The following AVEN variants were observed in gnomAD, a reference collection of about 807,000 sequenced individuals.
The protein encoded by AVEN is cell death regulator Aven.
Under a neutral mutation model 38.1 loss-of-function variants are expected in AVEN, and 41 were observed. The observed-to-expected ratio is 1.08, with a 90% confidence interval of 0.84 to 1.40. The LOEUF (loss-of-function observed/expected upper bound fraction) is 1.40. AVEN is among the 40% of genes most tolerant of loss of function. The pLI is 0.00. For synonymous variants in AVEN, 206 were observed against 171.8 expected (o/e 1.20, Z -1.56); for missense variants, 605 against 438.8 (o/e 1.38, Z -3.38).
At chr15:33,993,161 A>C (rs1003425077) in intron 2 of AVEN, among the ~76,000 whole-genome samples, 33 of 152,206 alleles carry the variant, frequency 2.2e-4, no homozygotes, top group Non-Finnish European at 2.2e-4. Flanking sequence ...TGGGGAAAAA[A>C]AATGAAGGGC....
intron 2 of AVEN, among the ~76,000 whole-genome samples, chr15:33,981,351 C>T (rs889931859): frequency 5.3e-5 from 8 of 152,086 alleles, no homozygotes; most frequent in South Asian, 2.1e-4. Flanking sequence ...ATATTTTTTC[C>T]GGACTTTTCA....
intron 2 of AVEN, among the ~76,000 whole-genome samples, chr15:33,958,981 C>G (rs962087411): frequency 5.3e-5 from 8 of 152,178 alleles, no homozygotes; most frequent in Non-Finnish European, 8.8e-5. Context: ...ATCCAGTCTC[C>G]TCTCAAGCCA....
intron 2 of AVEN, among the ~76,000 whole-genome samples, chr15:33,892,037 A>C (rs1891995760): frequency 6.6e-6 from 1 of 152,222 alleles, no homozygotes; most frequent in African/African-American, 2.4e-5. Flanking sequence ...TCTTTCGAGA[A>C]GTGTCTGTTC....
At chr15:33,876,085 T>G in intron 2 of AVEN, 90 bp from the exon 3 acceptor site, 1 of 1,191,102 alleles carries the variant, frequency 8.4e-7, no homozygotes, top group Non-Finnish European at 1.2e-6. Flanking sequence ...AAGTGCCATT[T>G]CTGAAGTGCT....
In AVEN at chr15:34,038,831, CG is replaced by C. The variant is rs1322266314; in HGVS notation, c.215del (p.Pro72ArgfsTer138). 1.7e-6 allele frequency: 2 copies of C among 1,189,168 alleles called. No homozygotes were observed. The highest frequency in any genetic ancestry group is 1.0e-6 in the Non-Finnish European group (1 of 960,782). The allele number at this position is 1,189,168 out of a possible 1,614,324, so 73.7% of individuals were successfully genotyped here. ...CTCCCGGCTCCCGGCGGCTGCCTCG[CG>C]GGGCGCCTCCTCCTCCTCGGCCTCC... The part of the protein sequence containing the change: ...ARGGRGGGGA[P>X]RGSRREPGGW... On this transcript the variant is annotated frameshift_variant, in exon 1 of 6. Transcript: ENST00000306730. LOFTEE classifies it high-confidence loss of function.
At chr15:33,857,497 G>A (rs1267987065), downstream of AVEN, among the ~76,000 whole-genome samples, 1 of 152,034 alleles carries the variant, frequency 6.6e-6, no homozygotes, top group African/African-American at 2.4e-5. Flanking sequence ...CTGAGGTACT[G>A]GAGGCCAGGA....
intron 1 of AVEN, among the ~76,000 whole-genome samples, chr15:34,010,286 CA>C (rs1897581291): frequency 6.6e-6 from 1 of 152,222 alleles, no homozygotes; most frequent in East Asian, 1.9e-4. Context: ...TATATTTGGA[CA>C]ACCTTATTCA....
At chr15:33,915,036 T>C (rs1893072681) in intron 2 of AVEN, among the ~76,000 whole-genome samples, 1 of 152,026 alleles carries the variant, frequency 6.6e-6, no homozygotes, top group Non-Finnish European at 1.5e-5. Context: ...CAAAAAATGA[T>C]GGGGAACATG....
chr15:33,997,920 C>T (rs1567457428), intron 2 of AVEN, among the ~76,000 whole-genome samples: 1 of 152,086 alleles, frequency 6.6e-6, no homozygotes, highest in Non-Finnish European at 1.5e-5. Context: ...CATGTGGGCC[C>T]CTATTGTCAC....
intron 2 of AVEN, among the ~76,000 whole-genome samples, chr15:33,883,951 C>G (rs1358753632): frequency 6.6e-6 from 1 of 152,180 alleles, no homozygotes; most frequent in Non-Finnish European, 1.5e-5. Flanking sequence ...GTTCAATGTT[C>G]TAACCAAGAC....
At chr15:34,055,307 G>A (rs567116515) in intron 5 of AVEN, among the ~76,000 whole-genome samples, 2 of 151,940 alleles carry the variant, frequency 1.3e-5, no homozygotes, top group East Asian at 3.9e-4. Flanking sequence ...AGACCAGCCT[G>A]GCCAACATGA....
At chr15:34,021,429 G>C (rs528168228) in intron 1 of AVEN, among the ~76,000 whole-genome samples, 1 of 152,034 alleles carries the variant, frequency 6.6e-6, no homozygotes, top group Admixed American at 6.5e-5. Flanking sequence ...GGGATTTCAG[G>C]CACACACCAC....
intron 2 of AVEN, among the ~76,000 whole-genome samples, chr15:33,951,390 A>C (rs923989300): frequency 6.7e-6 from 1 of 150,018 alleles, no homozygotes; most frequent in Non-Finnish European, 1.5e-5. Context: ...AAATTCCTTC[A>C]TTTCATACAC....
At chr15:33,984,407 GT>G (rs11363064) in intron 2 of AVEN, among the ~76,000 whole-genome samples, 59,285 of 148,010 alleles carry the variant, frequency 0.4, 12,088 homozygotes, top group Middle Eastern at 0.53. Context: ...TGATGGTAGG[GT>G]TTTTTTTTTT....
chr15:33,902,559 C>G (rs1892535027), intron 2 of AVEN, among the ~76,000 whole-genome samples: 1 of 152,130 alleles, frequency 6.6e-6, no homozygotes, highest in Non-Finnish European at 1.5e-5. Flanking sequence ...CAACATAGTA[C>G]TGGAAATACT....
downstream of AVEN, chr15:33,865,375 A>G: frequency 1.6e-6 from 1 of 632,882 alleles, no homozygotes; most frequent in South Asian, 2.1e-5. Context: ...TGCTATTTTG[A>G]AATTGATTTG....
At chr15:34,065,466 G>A (rs1900485829) in intron 4 of AVEN, 2 of 152,126 alleles carry the variant, frequency 1.3e-5, no homozygotes, top group African/African-American at 4.8e-5. Flanking sequence ...GGGTGAGGTG[G>A]GGGTAGAAAG....
At chr15:33,961,584 T>A (rs375647117) in intron 2 of AVEN, among the ~76,000 whole-genome samples, 1 of 151,640 alleles carries the variant, frequency 6.6e-6, no homozygotes, top group Non-Finnish European at 1.5e-5. Flanking sequence ...GAGGCCAAGG[T>A]GGGCGAATCA....
At chr15:33,890,053 G>C (rs1353368536) in intron 2 of AVEN, among the ~76,000 whole-genome samples, 1 of 152,200 alleles carries the variant, frequency 6.6e-6, no homozygotes, top group Non-Finnish European at 1.5e-5. Context: ...GTGCCAAACT[G>C]ATCTTCTCTG....
Sources: gnomAD v4.1 joint callset for allele counts (sites outside exome capture counted in the v4.1 genomes callset) on GRCh38, gnomAD v4.1.1 for gene constraint, MANE v1.5 for transcripts, NCBI Gene and HGNC (gene_info 2026-07-23, HGNC 2026-07-21) for gene names.